Variants in DNAH12 observed in about 807,000 individuals in gnomAD.
The protein encoded by DNAH12 is axonemal beta dynein heavy chain 12.
Under a neutral mutation model 371.5 loss-of-function variants are expected in DNAH12, and 285 were observed. The observed-to-expected ratio is 0.77, with a 90% CI of 0.70 to 0.85. DNAH12 has a LOEUF of 0.85. Among genes scored for constraint, DNAH12 ranks in the 40% least tolerant of loss-of-function variants. The probability of loss-of-function intolerance (pLI) is 0.00; values close to 1 mark genes in which losing one functional copy is unlikely to be tolerated. For synonymous variants in DNAH12, 1,200 were observed against 1,213.0 expected, an observed-to-expected ratio of 0.99 and a Z score of 0.22; for missense variants, 3,611 against 3,689.4, an observed-to-expected ratio of 0.98 and a Z score of 0.55.
Position 57,352,074 on chromosome 3 carries a change from A to T in DNAH12, c.9674+11T>A. 3 of 1,500,330 alleles carry T rather than the reference A, an allele frequency of 2.0e-6. No homozygotes were observed. Among genetic ancestry groups the T allele is most frequent in the Non-Finnish European group, 2.7e-6 (3 of 1,131,988 alleles). The allele number at this position is 1,500,330 out of a possible 1,614,324, so 92.9% of individuals were successfully genotyped here. On this transcript the variant is annotated intron_variant, in intron 60 of 73. Transcript: ENST00000495027. ...AAAATAAATAAATTATGGTAAAAGC[A>T]AGTAACTTACAGAAGAAGATTGGCA... is the stretch of plus-strand genomic sequence containing the variant.
rs1222428813 is a variant in DNAH12, at chr3:57,370,450, C to T, written c.8760-2190G>A. Among the ~76,000 whole-genome samples the T allele has an allele frequency of 2.0e-5, 3 of 152,184 alleles. No homozygotes were observed. In the South Asian group the frequency reaches 6.2e-4, roughly 31 times the overall value. ...GAGAGGTCAAATACGTTACCAAAAT[C>T]TCAAGACAGAAAGTGAGGAAGCTTG... On this transcript the variant is annotated intron_variant, in intron 55 of 73. Transcript: ENST00000495027.
At chr3:57,511,107 T>A in intron 4 of DNAH12, 128 bp from the exon 5 acceptor site, 1 of 645,874 alleles carries the variant, frequency 1.5e-6, no homozygotes, top group Non-Finnish European at 2.4e-6. Flanking sequence ...ATTTTCAGAA[T>A]AAAAACCATT....
At chr3:57,351,769 GGAGGT>G (rs1559579753) in intron 60 of DNAH12, among the ~76,000 whole-genome samples, 1 of 152,166 alleles carries the variant, frequency 6.6e-6, no homozygotes, top group Non-Finnish European at 1.5e-5. Flanking sequence ...GGGGTAGTAA[GGAGGT>G]GGTAACTGAA....
In DNAH12 at chr3:57,453,406, A is replaced by T. The variant is rs768449107; in HGVS notation, c.3457-3T>A. The T allele has an allele frequency of 2.6e-5, 39 of 1,519,044 alleles. No homozygotes were observed. The highest frequency in any genetic ancestry group is 1.7e-4 in the Middle Eastern group (1 of 5,818). 94.1% of individuals were successfully genotyped at this position (1,519,044 alleles called of 1,614,324 possible). Reference sequence around the variant, plus strand: ...TCCTTATAATACTTCTTTAATCCCTACAAAATAAAAAAAAAAGCAATCTAA... The same window carrying T: ...TCCTTATAATACTTCTTTAATCCCTTCAAAATAAAAAAAAAAGCAATCTAA... On this transcript the variant is annotated splice_polypyrimidine_tract_variant and splice_region_variant and intron_variant, in intron 23 of 73. Coordinates refer to ENST00000495027, the MANE Select transcript of DNAH12 (RefSeq NM_001366028.2).
At chr3:57,510,669 A>G in intron 5 of DNAH12, 121 bp downstream of exon 5, 1 of 870,350 alleles carries the variant, frequency 1.1e-6, no homozygotes, top group African/African-American at 1.8e-5. Context: ...GAAGAAAAAA[A>G]CCAGATATAG....
rs539543089 is a variant in DNAH12, at chr3:57,314,528, T to G, written c.10628A>C (p.Glu3543Ala). 3.5e-5 allele frequency: 54 copies of G among 1,551,182 alleles called. No homozygotes were observed. The East Asian group carries it at 9.8e-4, about 28-fold the overall frequency. ...LGWNIPYGFNESDLRISIRQL... is the reference protein window; with the variant it reads ...LGWNIPYGFNASDLRISIRQL... ...TCGGATACTGATGCGCAAGTCAGATTCATTAAATCCATATGGAATATTCCA... is the reference window on the plus strand; with the variant it reads ...TCGGATACTGATGCGCAAGTCAGATGCATTAAATCCATATGGAATATTCCA... Residue 3543 changes from glutamate to alanine, a missense_variant, in exon 66 of 74, where the codon GAA becomes GCA. Around this residue, in one of 3 missense-constraint regions of DNAH12, gnomAD observed 2,266 missense variants for 2,236.9 expected, o/e 1.01. Transcript: ENST00000495027.
At chr3:57,452,122 G>T (rs1046234921) in intron 25 of DNAH12, among the ~76,000 whole-genome samples, 1 of 152,072 alleles carries the variant, frequency 6.6e-6, no homozygotes, top group African/African-American at 2.4e-5. Flanking sequence ...TTCTGAGGAG[G>T]TAAGAATTGA....
At chr3:57,428,191 A>T (rs777177700) in intron 34 of DNAH12, 1 of 389,942 alleles carries the variant, frequency 2.6e-6, no homozygotes. Flanking sequence ...AGCTTCCCAC[A>T]GTGTGCTGGG....
intron 58 of DNAH12, among the ~76,000 whole-genome samples, chr3:57,358,001 C>G (rs1009688016): frequency 7.9e-5 from 12 of 152,310 alleles, no homozygotes; most frequent in Admixed American, 7.8e-4. Flanking sequence ...TCAACTCAAT[C>G]GGATAGGTTG....
intron 70 of DNAH12, 58 bp downstream of exon 70, chr3:57,301,677 T>TACACACACACAC (rs57748737): frequency 5.2e-6 from 6 of 1,152,374 alleles, no homozygotes; most frequent in African/African-American, 1.6e-5. Flanking sequence ...ACATGTATTT[T>TACACACACACAC]ACACACACAC....
At chr3:57,386,682 AC>A (rs2063505502) in intron 46 of DNAH12, 79 bp from the exon 47 acceptor site, 1 of 152,234 alleles carries the variant, frequency 6.6e-6, no homozygotes, top group Non-Finnish European at 1.5e-5. Flanking sequence ...CCATTAACAG[AC>A]ATTTAATAAA....
intron 66 of DNAH12, among the ~76,000 whole-genome samples, chr3:57,311,438 T>C (rs536093912): frequency 1.3e-5 from 2 of 152,336 alleles, no homozygotes; most frequent in African/African-American, 4.8e-5. Flanking sequence ...TAAAGACATA[T>C]TGCTTCTGTA....
rs147505152 is a variant in DNAH12 at position 57,483,928 on chromosome 3, G to A, written c.1515-417C>T. The stretch of plus-strand genomic sequence containing the variant: ...ATTGCACCGTTGCACTCCAGTCTGG[G>A]TGACAGAGTGAGACCCTGTCTCAAA... On this transcript the variant is annotated intron_variant, in intron 12 of 73. Transcript: ENST00000495027. Among the ~76,000 whole-genome samples the A allele has an allele frequency of 7.1e-3, 930 of 130,152 alleles. 12 individuals carry two copies. Among genetic ancestry groups the A allele is most frequent in the African/African-American group, 0.026 (899 of 34,954 alleles). The allele number at this position is 130,152 out of a possible 152,430, so 85.4% of individuals were successfully genotyped here.
In DNAH12 at chr3:57,452,969, A is replaced by T. The variant is rs1262883605; in HGVS notation, c.3660T>A (p.Tyr1220Ter). 1 of 1,550,990 alleles carries T rather than the reference A, an allele frequency of 6.4e-7. No homozygotes were observed. Among genetic ancestry groups the T allele is most frequent in the Non-Finnish European group, 8.7e-7 (1 of 1,146,920 alleles). The change falls in exon 25 of 74, where the codon TAT becomes TAA. Residue 1220 changes from tyrosine to a stop codon, truncating the protein, a stop_gained. Coordinates refer to ENST00000495027, the MANE Select transcript of DNAH12 (RefSeq NM_001366028.2). LOFTEE classifies it high-confidence loss of function. Reference protein sequence around the residue: ...TDFLWLAQLRYYWENENARVR... With the variant: ...TDFLWLAQLR ...CTCGGGCATTCTCATTTTCCCAATAATATCGGAGCTGAGCAAGCCACAGGA... is the reference window on the plus strand; with the variant it reads ...CTCGGGCATTCTCATTTTCCCAATATTATCGGAGCTGAGCAAGCCACAGGA...
rs1299206271 is a variant in DNAH12, at chr3:57,392,587, GAAAAAC to G, written c.7111-527_7111-522del. Among the ~76,000 whole-genome samples the G allele has an allele frequency of 6.2e-3, 938 of 151,728 alleles. 29 individuals carry two copies. The highest frequency in any genetic ancestry group is 0.05 in the Admixed American group (759 of 15,212). On this transcript the variant is annotated intron_variant, in intron 44 of 73. Transcript: ENST00000495027. ...ACAGAGCAGTGAGACTTCATCTCTA[GAAAAAC>G]AAAAACAAAAACAAACAACAAAAAA... is the stretch of plus-strand genomic sequence containing the variant.
chr3:57,408,500 A>G lies in DNAH12; in HGVS notation c.6056T>C (p.Val2019Ala). The change falls in exon 40 of 74, where the codon GTG becomes GCG. Residue 2019 changes from valine (V) to alanine (A), a missense_variant. Physicochemically the swap from Val to Ala is moderately conservative, Grantham distance 64. Transcript: ENST00000495027. ...DLKDTSKITLVDIELIAAMGP... is the reference protein window; with the variant it reads ...DLKDTSKITLADIELIAAMGP... ...CATTGCAGCAATCAGCTCTATGTCC[A>G]CCAGCGTGATTTTACTTGTGTCCTT... 1.3e-6 allele frequency: 2 copies of G among 1,549,550 alleles called. No homozygotes were observed. The highest frequency in any genetic ancestry group is 1.7e-6 in the Non-Finnish European group (2 of 1,146,074).
intron 29 of DNAH12, among the ~76,000 whole-genome samples, chr3:57,443,362 G>A (rs1037392935): frequency 1.3e-5 from 2 of 151,970 alleles, no homozygotes; most frequent in Admixed American, 6.6e-5. Context: ...CACCTGCCTC[G>A]GCCTCCCAAA....
At chr3:57,525,557 T>G (rs915188104) in intron 2 of DNAH12, among the ~76,000 whole-genome samples, 6 of 152,106 alleles carry the variant, frequency 3.9e-5, no homozygotes, top group African/African-American at 1.4e-4. Flanking sequence ...GCATATGTAT[T>G]TATGGATTAC....
At chr3:57,502,036 A>G (rs1290684906) in intron 10 of DNAH12, among the ~76,000 whole-genome samples, 3 of 151,834 alleles carry the variant, frequency 2.0e-5, no homozygotes, top group African/African-American at 7.3e-5. Context: ...CCTCCCGAGT[A>G]GCCGGGACTA....
Sources: gnomAD v4.1 joint callset for allele counts (sites outside exome capture counted in the v4.1 genomes callset) on GRCh38, gnomAD v4.1.1 for gene constraint, gnomAD v4.1.1 regional missense constraint, MANE v1.5 for transcripts, NCBI Gene and HGNC (gene_info 2026-07-23, HGNC 2026-07-21) for gene names.